The following GREB1L variants were observed in gnomAD, a reference collection of about 807,000 sequenced individuals.
The protein encoded by GREB1L is GREB1-like protein.
In GREB1L, 17 loss-of-function variants were observed where a neutral mutation model predicts 200.8. That is an observed-to-expected ratio of 0.08 (90% CI 0.06 to 0.13). GREB1L has a LOEUF of 0.13. GREB1L is among the 10% of genes least tolerant of loss of function. The pLI, the probability that GREB1L is intolerant of heterozygous loss-of-function variation, is 1.00. For missense variants in GREB1L, 1,657 were observed against 2,367.7 expected, an observed-to-expected ratio of 0.70 and a Z score of 6.23; for synonymous variants, 789 against 893.0, an observed-to-expected ratio of 0.88 and a Z score of 2.08.
intron 1 of GREB1L, among the ~76,000 whole-genome samples, chr18:21,356,011 G>T: frequency 7.3e-6 from 1 of 136,056 alleles, no homozygotes. Flanking sequence ...TTTTGAGATG[G>T]CGTCTCACTC....
Position 21,393,851 on chromosome 18 carries a change from T to C in GREB1L, c.356-1534T>C, listed in dbSNP as rs575315352. Among the ~76,000 whole-genome samples, 23 of 152,202 alleles carry C rather than the reference T, an allele frequency of 1.5e-4. No homozygotes were observed. In the East Asian group the frequency reaches 3.1e-3, roughly 20 times the overall value. ...TGCTGGGATTACAGGTGTGAGCCAC[T>C]GCGCCCGGCCTGAAATAGCATTTAT... On this transcript the variant is annotated intron_variant, in intron 4 of 32. Coordinates refer to ENST00000424526, the MANE Select transcript of GREB1L (RefSeq NM_001142966.3).
rs1298649544 is a variant in GREB1L at position 21,525,230 on chromosome 18, C to T, written c.*2409C>T. ...TTTTTGGCTGTAATTTATGCAATTG[C>T]TTTTTGTGATTTTTAGAAAATGGGG... On this transcript the variant is annotated 3_prime_UTR_variant, in exon 33 of 33. Coordinates refer to ENST00000424526, the MANE Select transcript of GREB1L (RefSeq NM_001142966.3). 1.3e-5 allele frequency: 2 copies of T among 151,902 alleles called. No homozygotes were observed. The highest frequency in any genetic ancestry group is 1.9e-4 in the East Asian group (1 of 5,190). 9.4% of individuals were successfully genotyped at this position (151,902 alleles called of 1,614,324 possible). A position where few individuals can be genotyped will look rare whatever the true frequency, so the allele number is the denominator to read the frequency against.
At chr18:21,437,669 C>T (rs2033633403) in intron 7 of GREB1L, among the ~76,000 whole-genome samples, 1 of 151,946 alleles carries the variant, frequency 6.6e-6, no homozygotes, top group Non-Finnish European at 1.5e-5. Context: ...GGTATATAAT[C>T]AGCAAAATCT....
chr18:21,365,814 A>G (rs928418029), intron 1 of GREB1L, among the ~76,000 whole-genome samples: 1 of 152,170 alleles, frequency 6.6e-6, no homozygotes, highest in Non-Finnish European at 1.5e-5. Context: ...ATATATAATT[A>G]GGAGTAATTA....
intron 19 of GREB1L, among the ~76,000 whole-genome samples, chr18:21,494,623 A>G (rs2036473202): frequency 6.6e-6 from 1 of 152,194 alleles, no homozygotes. Context: ...TGTCTAAAAA[A>G]AAAAAAAATT....
intron 1 of GREB1L, among the ~76,000 whole-genome samples, chr18:21,315,850 G>T (rs2038859488): frequency 6.6e-6 from 1 of 152,112 alleles, no homozygotes; most frequent in South Asian, 2.1e-4. Context: ...GAGGCAGCCA[G>T]CCTGCTCCGC....
At chr18:21,435,113 A>C (rs2033452953) in intron 7 of GREB1L, 1 of 152,668 alleles carries the variant, frequency 6.6e-6, no homozygotes, top group Admixed American at 6.5e-5. Context: ...TGGTAAATAC[A>C]TAGTCCATAA....
At chr18:21,243,686 C>G (rs79878781) in intron 1 of GREB1L, among the ~76,000 whole-genome samples, 3,625 of 152,230 alleles carry the variant, frequency 0.024, 159 homozygotes, top group Admixed American at 0.11. Flanking sequence ...TGTGTTGTTT[C>G]TTCTCTTTGC....
At chr18:21,244,341 G>A (rs1283504423) in intron 1 of GREB1L, among the ~76,000 whole-genome samples, 1 of 152,144 alleles carries the variant, frequency 6.6e-6, no homozygotes, top group Non-Finnish European at 1.5e-5. Context: ...GAAAGGGCGT[G>A]TGTATACTCC....
At chr18:21,424,536 T>G (rs2032409321) in intron 7 of GREB1L, among the ~76,000 whole-genome samples, 1 of 152,128 alleles carries the variant, frequency 6.6e-6, no homozygotes, top group Non-Finnish European at 1.5e-5. Context: ...GCCACTGCAC[T>G]CCAGCCTGGG....
At chr18:21,302,602 T>A (rs1052707781) in intron 1 of GREB1L, among the ~76,000 whole-genome samples, 12 of 152,242 alleles carry the variant, frequency 7.9e-5, no homozygotes, top group East Asian at 3.8e-4. Flanking sequence ...ACATAGCGGC[T>A]TCCTTAAAGC....
At chr18:21,436,545 G>A (rs1229429028) in intron 7 of GREB1L, among the ~76,000 whole-genome samples, 1 of 152,080 alleles carries the variant, frequency 6.6e-6, no homozygotes, top group Non-Finnish European at 1.5e-5. Flanking sequence ...GAGGCGGGAG[G>A]ATGGCTTGAG....
chr18:21,520,181 T>G (rs780217750), intron 31 of GREB1L, among the ~76,000 whole-genome samples: 21 of 152,292 alleles, frequency 1.4e-4, no homozygotes, highest in Non-Finnish European at 1.6e-4. Flanking sequence ...CCTCAGATGA[T>G]CCATCCACCT....
chr18:21,251,710 G>T (rs2037707361), intron 1 of GREB1L, among the ~76,000 whole-genome samples: 2 of 152,160 alleles, frequency 1.3e-5, no homozygotes, highest in Non-Finnish European at 2.9e-5. Context: ...ACTTTGGAAG[G>T]CCAAGGTGGG....
At chr18:21,390,886 C>CA (rs1304159046) in intron 4 of GREB1L, among the ~76,000 whole-genome samples, 2 of 151,884 alleles carry the variant, frequency 1.3e-5, no homozygotes, top group African/African-American at 4.8e-5. Context: ...AATTTTAATA[C>CA]AAAAAAGCCT....
chr18:21,416,717 C>T (rs1489909212), intron 7 of GREB1L, among the ~76,000 whole-genome samples: 1 of 148,812 alleles, frequency 6.7e-6, no homozygotes, highest in Non-Finnish European at 1.5e-5. Flanking sequence ...AAAACTACAC[C>T]AAAGCATATC....
intron 1 of GREB1L, among the ~76,000 whole-genome samples, chr18:21,348,037 C>T (rs1198468235): frequency 5.4e-5 from 8 of 148,650 alleles, no homozygotes; most frequent in African/African-American, 1.5e-4. Context: ...CTCCGCCTCC[C>T]GGGTTCACGC....
At chr18:21,361,255 T>C (rs145032946) in intron 1 of GREB1L, among the ~76,000 whole-genome samples, 4 of 152,344 alleles carry the variant, frequency 2.6e-5, no homozygotes, top group African/African-American at 9.6e-5. Flanking sequence ...GTTTCTTTTC[T>C]GCTCTAACTT....
chr18:21,443,061 G>A (rs916057543), intron 10 of GREB1L, among the ~76,000 whole-genome samples: 4 of 151,636 alleles, frequency 2.6e-5, no homozygotes, highest in African/African-American at 7.3e-5. Flanking sequence ...GCACCACCAC[G>A]CTCAGCCTAG....
Sources: gnomAD v4.1 joint callset for allele counts (sites outside exome capture counted in the v4.1 genomes callset) on GRCh38, gnomAD v4.1.1 for gene constraint, MANE v1.5 for transcripts, NCBI Gene and HGNC (gene_info 2026-07-23, HGNC 2026-07-21) for gene names.